Variants in RDX observed in about 807,000 individuals in gnomAD.
RDX encodes deafness, autosomal recessive 24.
Under a neutral mutation model 83.7 loss-of-function variants are expected in RDX, and 32 were observed. That is an observed-to-expected ratio of 0.38 (90% CI 0.29 to 0.51). The LOEUF (loss-of-function observed/expected upper bound fraction) is 0.51. Ranked by LOEUF, RDX falls within the 20% of genes least tolerant of loss-of-function variation. The pLI is 0.87. For synonymous variants in RDX, 229 were observed against 222.7 expected (o/e 1.03, Z -0.25); for missense variants, 600 against 689.9 (o/e 0.87, Z 1.46).
At position 110,231,792 on chromosome 11, in the gene RDX, C is replaced by G; in HGVS notation, c.*77G>C. Reference sequence around the variant, plus strand: ...GTGCTTTGGCAAGGTGGGATGCATTCCATCATATCTGCAAAGGCCTGCTTT... The same window carrying G: ...GTGCTTTGGCAAGGTGGGATGCATTGCATCATATCTGCAAAGGCCTGCTTT... On this transcript the variant is annotated 3_prime_UTR_variant, in exon 14 of 14. Transcript: ENST00000645495. 6.6e-7 allele frequency: 1 copy of G among 1,526,562 alleles called. No homozygotes were observed. Among genetic ancestry groups the G allele is most frequent in the South Asian group, 1.1e-5 (1 of 89,190 alleles). The allele number at this position is 1,526,562 out of a possible 1,614,324, so 94.6% of individuals were successfully genotyped here.
At chr11:110,239,530 C>G (rs1264176428) in intron 10 of RDX, among the ~76,000 whole-genome samples, 1 of 152,120 alleles carries the variant, frequency 6.6e-6, no homozygotes, top group Non-Finnish European at 1.5e-5. Flanking sequence ...AACATCTGAA[C>G]TGACATTTCT....
chr11:110,291,891 GGAGGCCGAGGCAGA>G (rs1861257934), intron 1 of RDX, among the ~76,000 whole-genome samples: 2 of 152,144 alleles, frequency 1.3e-5, no homozygotes, highest in South Asian at 4.1e-4. Flanking sequence ...CAGCACTTCA[GGAGGCCGAGGCAGA>G]AAGTCCAAGG....
At chr11:110,202,294 C>A (rs1160513721) in intron 14 of RDX, among the ~76,000 whole-genome samples, 2 of 151,898 alleles carry the variant, frequency 1.3e-5, no homozygotes, top group Admixed American at 6.6e-5. Flanking sequence ...ACTCTGGAGG[C>A]TGAGACAGGA....
chr11:110,284,583 C>T (rs940254295), intron 1 of RDX, among the ~76,000 whole-genome samples: 5 of 151,326 alleles, frequency 3.3e-5, no homozygotes, highest in Non-Finnish European at 7.4e-5. Flanking sequence ...TGCAGTGGCG[C>T]GATATCGGCT....
intron 14 of RDX, among the ~76,000 whole-genome samples, chr11:110,215,742 C>T (rs1314442132): frequency 1.3e-5 from 2 of 152,184 alleles, no homozygotes; most frequent in Non-Finnish European, 2.9e-5. Flanking sequence ...CTGGAAAGGT[C>T]ACATTTTGTA....
chr11:110,188,941 T>C lies in RDX; in HGVS notation c.*31+10640A>G, dbSNP rs142955818. Among the ~76,000 whole-genome samples the C allele has an allele frequency of 5.4e-4, 82 of 151,976 alleles. No individual in the cohort carries two copies. The East Asian group carries it at 0.014, about 27-fold the overall frequency. ...CAGACCCTATAAAGCAACCGCACAA[T>C]AGAAACTACAAAATAGCTAGCTAAT... On this transcript the variant is annotated intron_variant, in intron 15 of 15. Transcript: ENST00000528498.
At chr11:110,294,351 G>A (rs1425496886) in intron 1 of RDX, among the ~76,000 whole-genome samples, 1 of 152,226 alleles carries the variant, frequency 6.6e-6, no homozygotes, top group East Asian at 1.9e-4. Context: ...CCAAGATCAT[G>A]CCACTGCATA....
At chr11:110,247,667 T>C (rs1859162778) in intron 10 of RDX, 36 bp downstream of exon 10, 2 of 1,602,114 alleles carry the variant, frequency 1.2e-6, no homozygotes, top group Non-Finnish European at 1.7e-6. Context: ...AGAGCAATAA[T>C]AATTTTTAAT....
intron 10 of RDX, among the ~76,000 whole-genome samples, chr11:110,240,635 C>T (rs1298011822): frequency 6.6e-6 from 1 of 150,962 alleles, no homozygotes; most frequent in East Asian, 2.0e-4. Context: ...GTCCCAGCTA[C>T]TCGGGAGGCT....
At chr11:110,293,013 T>G (rs1390101838) in intron 1 of RDX, among the ~76,000 whole-genome samples, 1 of 152,316 alleles carries the variant, frequency 6.6e-6, no homozygotes. Context: ...ACAAACAAAT[T>G]TGCACATACA....
chr11:110,206,663 T>C (rs1591510878), intron 14 of RDX, among the ~76,000 whole-genome samples: 1 of 152,236 alleles, frequency 6.6e-6, no homozygotes. Flanking sequence ...TTTCATTCTC[T>C]AATACTGTTA....
In RDX at chr11:110,258,189, A is replaced by G. The variant is rs1859626349; in HGVS notation, c.468T>C (p.Arg156=). 2 of 1,588,430 alleles carry G rather than the reference A, an allele frequency of 1.3e-6. No individual in the cohort carries two copies. Among genetic ancestry groups the G allele is most frequent in the East Asian group, 2.2e-5 (1 of 44,572 alleles). Residue 156 remains arginine, a splice_region_variant and synonymous_variant, in exon 6 of 14, where the codon CGT becomes CGC. Transcript: ENST00000645495. ...YLANDRLLPQ[R]VLEQHKLTKE... ...TTGTTAGTTTGTGTTGTTCCAATAC[A>G]CTAAGAGGACCAAAAAAAAAAAAAA...
intron 1 of RDX, among the ~76,000 whole-genome samples, chr11:110,288,791 T>C (rs898861694): frequency 1.3e-5 from 2 of 152,236 alleles, no homozygotes; most frequent in East Asian, 3.8e-4. Flanking sequence ...GTTGATTTTG[T>C]TGGTGAATTA....
chr11:110,249,732 G>A (rs781124990), intron 9 of RDX, among the ~76,000 whole-genome samples: 4 of 152,090 alleles, frequency 2.6e-5, no homozygotes, highest in Admixed American at 2.6e-4. Context: ...AAAATTAGCC[G>A]GGCATGGTGT....
intron 14 of RDX, among the ~76,000 whole-genome samples, chr11:110,223,231 G>A (rs1864314096): frequency 6.6e-6 from 1 of 151,764 alleles, no homozygotes; most frequent in Non-Finnish European, 1.5e-5. Flanking sequence ...GGGCGCCTGT[G>A]GTCCCAGCTG....
At chr11:110,217,399 T>C (rs531396851) in intron 14 of RDX, among the ~76,000 whole-genome samples, 10 of 152,200 alleles carry the variant, frequency 6.6e-5, no homozygotes, top group Non-Finnish European at 1.2e-4. Flanking sequence ...TACTATGATA[T>C]TCTGAATGAC....
At chr11:110,288,468 G>C (rs762976005) in intron 1 of RDX, 1 of 152,170 alleles carries the variant, frequency 6.6e-6, no homozygotes, top group African/African-American at 2.4e-5. Flanking sequence ...AAAATGTTTA[G>C]AAATGGGAAA....
At chr11:110,272,814 A>C in intron 2 of RDX, 195 bp from the exon 3 acceptor site, 3 of 573,912 alleles carry the variant, frequency 5.2e-6, no homozygotes, top group Admixed American at 5.4e-5. Flanking sequence ...CTGGGCACTA[A>C]GCTATGGGCT....
rs779065310 is a variant in RDX, at chr11:110,263,974, T to C, written c.453A>G (p.Arg151=). Residue 151 remains arginine (R), a synonymous_variant, in exon 5 of 14, where the codon AGA becomes AGG. Coordinates refer to ENST00000645495, the MANE Select transcript of RDX (RefSeq NM_002906.4). ...IHKPGYLAND[R]LLPQRVLEQH... ...GTTTCACTTACCGCTGGGGTAGGAGTCTATCATTAGCCAGGTAGCCTGGCT... is the reference window on the plus strand; with the variant it reads ...GTTTCACTTACCGCTGGGGTAGGAGCCTATCATTAGCCAGGTAGCCTGGCT... 6.2e-7 allele frequency: 1 copy of C among 1,613,436 alleles called. No homozygotes were observed. The highest frequency in any genetic ancestry group is 1.3e-5 in the African/African-American group (1 of 74,950).
Sources: gnomAD v4.1 joint callset for allele counts (sites outside exome capture counted in the v4.1 genomes callset) on GRCh38, gnomAD v4.1.1 for gene constraint, MANE v1.5 for transcripts, NCBI Gene and HGNC (gene_info 2026-07-23, HGNC 2026-07-21) for gene names.